GAS2L3: variants seen among roughly 807,000 people sequenced by gnomAD.
The protein encoded by GAS2L3 is growth arrest specific 2 like 3.
Under a neutral mutation model 37.0 loss-of-function variants are expected in GAS2L3, and 28 were observed. The ratio of observed to expected loss-of-function variants is 0.76; its 90% confidence interval spans 0.56 to 1.04. The LOEUF (loss-of-function observed/expected upper bound fraction) is 1.04. GAS2L3 is among the 50% of genes least tolerant of loss of function. The probability of loss-of-function intolerance (pLI) is 0.00; values close to 1 mark genes in which losing one functional copy is unlikely to be tolerated. For synonymous variants in GAS2L3, 290 were observed against 296.6 expected (o/e 0.98, Z 0.23); for missense variants, 793 against 817.6 (o/e 0.97, Z 0.37).
rs1956205081 is a variant in GAS2L3, at chr12:100,617,765, A to G, written c.467A>G (p.Gln156Arg). The stretch of plus-strand genomic sequence containing the variant: ...ACAGTTTTGCACAAAGATCCAAGAC[A>G]GGTGTATCTTTGTCTTCTTGAAATT... Reference protein sequence around the residue: ...EGLVLHKDPRQVYLCLLEIGR... With the variant: ...EGLVLHKDPRRVYLCLLEIGR... The change falls in exon 7 of 10, where the codon CAG becomes CGG. Residue 156 changes from glutamine to arginine, a missense_variant. Physicochemically the swap from Gln to Arg is conservative, Grantham distance 43. Transcript: ENST00000547754. The G allele has an allele frequency of 1.2e-6, 2 of 1,607,452 alleles. No homozygotes were observed. Among genetic ancestry groups the G allele is most frequent in the East Asian group, 4.5e-5 (2 of 44,696 alleles).
chr12:100,598,349 A>G (rs927859106), intron 3 of GAS2L3, among the ~76,000 whole-genome samples: 1 of 151,922 alleles, frequency 6.6e-6, no homozygotes, highest in African/African-American at 2.4e-5. Flanking sequence ...ATTCCCGACC[A>G]CTTATTTTGT....
chr12:100,605,527 C>T (rs927675380), intron 5 of GAS2L3, among the ~76,000 whole-genome samples: 1 of 151,580 alleles, frequency 6.6e-6, no homozygotes, highest in Non-Finnish European at 1.5e-5. Context: ...TTTTCTTGTA[C>T]TAATTTCGAG....
intron 6 of GAS2L3, among the ~76,000 whole-genome samples, chr12:100,613,676 G>A (rs1170340044): frequency 6.6e-6 from 1 of 151,178 alleles, no homozygotes; most frequent in African/African-American, 2.4e-5. Flanking sequence ...CTCACTGCAA[G>A]CTCCACCTCC....
At chr12:100,597,775 C>T (rs1038699039) in intron 3 of GAS2L3, among the ~76,000 whole-genome samples, 10 of 151,914 alleles carry the variant, frequency 6.6e-5, no homozygotes, top group South Asian at 4.2e-4. Context: ...CCCCATTCCC[C>T]GCCACCAGTT....
intron 5 of GAS2L3, among the ~76,000 whole-genome samples, chr12:100,603,089 A>G (rs1264723970): frequency 6.6e-6 from 1 of 152,176 alleles, no homozygotes; most frequent in Non-Finnish European, 1.5e-5. Context: ...TATTGAGAAC[A>G]GTGCTTCAGG....
At chr12:100,579,098 C>T (rs1955675204) in intron 1 of GAS2L3, 1 of 727,570 alleles carries the variant, frequency 1.4e-6, no homozygotes, top group Non-Finnish European at 2.6e-6. Flanking sequence ...CATATTTGTT[C>T]AGGAGAGAGT....
intron 6 of GAS2L3, 145 bp from the exon 7 acceptor site, chr12:100,617,599 T>C (rs1956203142): frequency 1.6e-6 from 1 of 606,980 alleles, no homozygotes; most frequent in Admixed American, 3.3e-5. Context: ...GTAGAAAAAA[T>C]AAAAGTGTCT....
intron 5 of GAS2L3, among the ~76,000 whole-genome samples, chr12:100,604,632 T>C (rs192001600): frequency 7.2e-5 from 11 of 152,132 alleles, no homozygotes; most frequent in African/African-American, 2.6e-4. Context: ...CAGAACTGTG[T>C]TGAATAACAG....
In GAS2L3 at chr12:100,624,880, C is replaced by T; in HGVS notation, c.2075C>T (p.Pro692Leu). 8 of 1,572,040 alleles carry T rather than the reference C, an allele frequency of 5.1e-6. No individual in the cohort carries two copies. The highest frequency in any genetic ancestry group is 6.9e-6 in the Non-Finnish European group (8 of 1,153,484). Residue 692 changes from proline (P) to leucine (L), a missense_variant, in exon 10 of 10, where the codon CCT becomes CTT. Transcript: ENST00000547754. ...HYFVMTGSKK[P>L]RK ...TTTGTCATGACTGGAAGTAAGAAAC[C>T]TAGAAAATAAATACATACTCATTAT...
chr12:100,621,874 T>TC (rs1283299428), intron 8 of GAS2L3, among the ~76,000 whole-genome samples: 1 of 88,792 alleles, frequency 1.1e-5, no homozygotes, highest in Non-Finnish European at 2.1e-5. Context: ...GGAGGGAGGG[T>TC]GGGGGGGGGA....
At position 100,624,115 on chromosome 12, in the gene GAS2L3, C is replaced by A; in HGVS notation, c.1310C>A (p.Ser437Ter). ...TCTGAGTCACCGAGAAAATGTATTTCATCCCCCAATACCCCCAAGGCCAAG... is the reference window on the plus strand; with the variant it reads ...TCTGAGTCACCGAGAAAATGTATTTAATCCCCCAATACCCCCAAGGCCAAG... ...CISESPRKCI[S>*]SPNTPKAKVI... is the part of the protein sequence containing the mutation. Residue 437 changes from serine (S) to a stop codon, truncating the protein, a stop_gained, in exon 10 of 10, where the codon TCA becomes TAA. Coordinates refer to ENST00000547754, the MANE Select transcript of GAS2L3 (RefSeq NM_174942.3). LOFTEE classifies it low-confidence loss of function (END_TRUNC). The A allele has an allele frequency of 6.2e-7, 1 of 1,613,990 alleles. No individual in the cohort carries two copies. The highest frequency in any genetic ancestry group is 1.3e-5 in the African/African-American group (1 of 75,000).
intron 5 of GAS2L3, among the ~76,000 whole-genome samples, chr12:100,606,739 T>G (rs181543108): frequency 2.2e-4 from 34 of 152,182 alleles, no homozygotes; most frequent in African/African-American, 8.2e-4. Flanking sequence ...GCAAATGAAC[T>G]ATTAATAGCA....
chr12:100,575,988 A>C (rs1371238880), intron 1 of GAS2L3, among the ~76,000 whole-genome samples: 1 of 152,184 alleles, frequency 6.6e-6, no homozygotes, highest in Admixed American at 6.5e-5. Context: ...ATGAATTTTA[A>C]AATAATGAGA....
intron 5 of GAS2L3, among the ~76,000 whole-genome samples, chr12:100,604,345 A>G (rs945126550): frequency 2.0e-5 from 3 of 151,650 alleles, no homozygotes; most frequent in African/African-American, 4.8e-5. Context: ...ATTTAATTTT[A>G]TTTGTGACTG....
In GAS2L3 at chr12:100,623,661, G is replaced by A; in HGVS notation, c.856G>A (p.Ala286Thr). The change falls in exon 10 of 10, where the codon GCC becomes ACC. Residue 286 changes from alanine to threonine, a missense_variant. Physicochemically the swap from Ala to Thr is moderately conservative, Grantham distance 58 (BLOSUM62 0). Coordinates refer to ENST00000547754, the MANE Select transcript of GAS2L3 (RefSeq NM_174942.3). Reference sequence around the variant, plus strand: ...TGACCCCTGTCGAATATTACAGTTTGCCACATTAGAACAAAAAATTTTAGC... The same window carrying A: ...TGACCCCTGTCGAATATTACAGTTTACCACATTAGAACAAAAAATTTTAGC... ...KYDPCRILQFATLEQKILAFQ... is the reference protein window; with the variant it reads ...KYDPCRILQFTTLEQKILAFQ... 1 of 1,613,902 alleles carries A rather than the reference G, an allele frequency of 6.2e-7. No homozygotes were observed. The highest frequency in any genetic ancestry group is 8.5e-7 in the Non-Finnish European group (1 of 1,179,884).
intron 1 of GAS2L3, chr12:100,578,943 T>G: frequency 1.1e-6 from 1 of 922,242 alleles, no homozygotes; most frequent in Non-Finnish European, 1.8e-6. Flanking sequence ...GGGGATAAGG[T>G]TATAATTGTC....
intron 6 of GAS2L3, among the ~76,000 whole-genome samples, chr12:100,616,214 T>C (rs1956185862): frequency 6.6e-6 from 1 of 152,184 alleles, no homozygotes; most frequent in African/African-American, 2.4e-5. Context: ...TAGGTTTACT[T>C]CTAAGTACTT....
At chr12:100,612,353 A>G in intron 6 of GAS2L3, 1 of 465,270 alleles carries the variant, frequency 2.1e-6, no homozygotes, top group Non-Finnish European at 3.7e-6. Flanking sequence ...TGTGTCTAGA[A>G]TGTCCTAAAA....
chr12:100,624,505 C>T lies in GAS2L3; in HGVS notation c.1700C>T (p.Ser567Phe). ...AATTTAAATCAGCCAGTTTCTGTGT[C>T]CTCAGTTTCTCCTGTAAAAGCCACA... is the stretch of plus-strand genomic sequence containing the variant. ...ALNLNQPVSV[S>F]SVSPVKATQK... is the part of the protein sequence containing the mutation. The change falls in exon 10 of 10, where the codon TCC (serine) becomes TTC (phenylalanine). Residue 567 changes from serine (S) to phenylalanine (F), a missense_variant. Coordinates refer to ENST00000547754, the MANE Select transcript of GAS2L3 (RefSeq NM_174942.3). 6.2e-7 allele frequency: 1 copy of T among 1,614,050 alleles called. No individual in the cohort carries two copies. Among genetic ancestry groups the T allele is most frequent in the Non-Finnish European group, 8.5e-7 (1 of 1,180,014 alleles).
Sources: gnomAD v4.1 joint callset for allele counts (sites outside exome capture counted in the v4.1 genomes callset) on GRCh38, gnomAD v4.1.1 for gene constraint, MANE v1.5 for transcripts, NCBI Gene and HGNC (gene_info 2026-07-23, HGNC 2026-07-21) for gene names.